Variants in BDP1 observed in about 807,000 individuals in gnomAD.
BDP1 encodes transcription factor TFIIIB component B'' homolog.
BDP1 carries 169 observed loss-of-function variants against 266.6 expected under a neutral mutation model. The ratio of observed to expected loss-of-function variants is 0.63; its 90% CI spans 0.56 to 0.72. The LOEUF is 0.72. Among genes scored for constraint, BDP1 ranks in the 30% least tolerant of loss-of-function variants. The pLI, the probability that BDP1 is intolerant of heterozygous loss-of-function variation, is 0.00. For synonymous variants in BDP1, 1,090 were observed against 1,022.4 expected (o/e 1.07, Z -1.26); for missense variants, 3,015 against 3,053.8 (o/e 0.99, Z 0.30).
rs375877073 is a variant in BDP1, at chr5:71,461,926, C to A, written c.599C>A (p.Thr200Asn). Residue 200 changes from threonine (T) to asparagine (N), a missense_variant and splice_region_variant, in exon 3 of 39, where the codon ACT becomes AAT. Coordinates refer to ENST00000358731, the MANE Select transcript of BDP1 (RefSeq NM_018429.3). ...TATCTACCAGATAATAATCCAATGA[C>A]GTAAGTAAAATTTATTTCTGCTTTA... Reference protein sequence around the residue: ...IYYLPDNNPMTSSLEQEKKTE... With the variant: ...IYYLPDNNPMNSSLEQEKKTE... 11 of 1,285,674 alleles carry A rather than the reference C, an allele frequency of 8.6e-6. No individual in the cohort carries two copies. In the East Asian group the frequency reaches 9.4e-5, roughly 11 times the overall value. The allele number at this position is 1,285,674 out of a possible 1,614,324, so 79.6% of individuals were successfully genotyped here. A position where few individuals can be genotyped will look rare whatever the true frequency, so the allele number is the denominator to read the frequency against.
rs1441775646 is a variant in BDP1, at chr5:71,510,436, A to C, written c.3344A>C (p.Gln1115Pro). 6.2e-7 allele frequency: 1 copy of C among 1,613,862 alleles called. No individual in the cohort carries two copies. ...LEEVKPLGEM[Q>P]TDLKATGREI... Reference sequence around the variant, plus strand: ...GAGGTTAAGCCTCTAGGTGAAATGCAAACAGATTTGAAAGCAACCGGAAGG... The same window carrying C: ...GAGGTTAAGCCTCTAGGTGAAATGCCAACAGATTTGAAAGCAACCGGAAGG... Residue 1115 changes from glutamine to proline, a missense_variant, in exon 17 of 39, where the codon CAA becomes CCA. Coordinates refer to ENST00000358731, the MANE Select transcript of BDP1 (RefSeq NM_018429.3).
intron 18 of BDP1, 122 bp from the exon 19 acceptor site, chr5:71,513,063 C>CAAAAAAAAAAAAAA (rs34252624): frequency 2.8e-6 from 1 of 352,412 alleles, no homozygotes; most frequent in African/African-American, 3.8e-5. Context: ...ACCCTGTCTC[C>CAAAAAAAAAAAAAA]AAAAAAAAAA....
intron 7 of BDP1, 107 bp downstream of exon 7, chr5:71,470,596 T>TA (rs896251423): frequency 2.6e-6 from 2 of 768,748 alleles, no homozygotes; most frequent in African/African-American, 3.6e-5. Flanking sequence ...ATCTTTTTTT[T>TA]TTTTTTCATT....
intron 4 of BDP1, among the ~76,000 whole-genome samples, chr5:71,464,615 C>A (rs541936758): frequency 6.6e-6 from 1 of 151,554 alleles, no homozygotes; most frequent in African/African-American, 2.4e-5. Context: ...GAACATAGCT[C>A]ACTGCAGCCT....
At chr5:71,508,954 A>G (rs1023886111) in intron 16 of BDP1, among the ~76,000 whole-genome samples, 2 of 152,226 alleles carry the variant, frequency 1.3e-5, no homozygotes, top group African/African-American at 4.8e-5. Context: ...AATCTCATAT[A>G]AAATTGGTTT....
rs1301769621 is a variant in BDP1 at position 71,553,339 on chromosome 5, A to G, written c.7200+19A>G. The stretch of plus-strand genomic sequence containing the variant: ...CACTGAGGTAAGTGGTATATTAAGT[A>G]CCACTCAATATGGCCATTAAGTAAG... On this transcript the variant is annotated intron_variant, in intron 35 of 38. Coordinates refer to ENST00000358731, the MANE Select transcript of BDP1 (RefSeq NM_018429.3). 4 of 1,559,920 alleles carry G rather than the reference A, an allele frequency of 2.6e-6. No homozygotes were observed. The highest frequency in any genetic ancestry group is 3.5e-6 in the Non-Finnish European group (4 of 1,135,486).
At position 71,489,508 on chromosome 5, in the gene BDP1, G is replaced by A. The variant is rs201957359; in HGVS notation, c.1318G>A (p.Glu440Lys). 1.2e-6 allele frequency: 2 copies of A among 1,614,004 alleles called. No individual in the cohort carries two copies. Among genetic ancestry groups the A allele is most frequent in the African/African-American group, 2.7e-5 (2 of 74,934 alleles). Residue 440 changes from glutamate to lysine, a missense_variant, in exon 10 of 39, where the codon GAA becomes AAA. This residue lies in a region of BDP1 where 2,383 missense variants were observed against 2,404.9 expected (regional missense o/e 0.99). Transcript: ENST00000358731. ...RSQKDAQTVE[E>K]ESLTLSREDA... ...TCAGAAGGATGCTCAGACAGTTGAA[G>A]AAGAGTCTCTGACCTTATCAAGGGA...
intron 7 of BDP1, among the ~76,000 whole-genome samples, chr5:71,476,870 A>AT (rs1445061253): frequency 6.6e-6 from 1 of 151,886 alleles, no homozygotes; most frequent in Non-Finnish European, 1.5e-5. Context: ...CGCCTGGCTA[A>AT]TTTTTCGTAT....
At chr5:71,486,383 GATAAACA>G (rs1763262289) in intron 8 of BDP1, 94 bp from the exon 9 acceptor site, 1 of 999,094 alleles carries the variant, frequency 1.0e-6, no homozygotes, top group African/African-American at 1.7e-5. Context: ...TTCTCCTACT[GATAAACA>G]AACCCATTTG....
chr5:71,484,004 G>A (rs1210999920), intron 8 of BDP1, 108 bp downstream of exon 8: 8 of 866,454 alleles, frequency 9.2e-6, no homozygotes, highest in Admixed American at 2.7e-5. Context: ...TTCCTGTATT[G>A]GCATTAAGAG....
intron 2 of BDP1, among the ~76,000 whole-genome samples, chr5:71,460,979 TTTGG>T (rs1296165526): frequency 6.6e-6 from 1 of 152,158 alleles, no homozygotes; most frequent in Non-Finnish European, 1.5e-5. Context: ...AGTTTTATTC[TTTGG>T]TTATTTATTT....
intron 7 of BDP1, 90 bp from the exon 8 acceptor site, chr5:71,483,752 C>T: frequency 1.1e-6 from 1 of 919,892 alleles, no homozygotes; most frequent in Non-Finnish European, 1.8e-6. Flanking sequence ...TATGTTATTC[C>T]TAAGAGTTTC....
chr5:71,552,018 C>T (rs1237624019), intron 34 of BDP1, among the ~76,000 whole-genome samples: 1 of 150,758 alleles, frequency 6.6e-6, no homozygotes, highest in African/African-American at 2.4e-5. Flanking sequence ...CACCTCCCTC[C>T]CGGACGGGGT....
intron 9 of BDP1, 122 bp from the exon 10 acceptor site, chr5:71,489,282 G>A (rs892378436): frequency 6.5e-6 from 4 of 614,670 alleles, no homozygotes; most frequent in Non-Finnish European, 1.1e-5. Flanking sequence ...ATTTTAGGTT[G>A]TCTTTAGGTT....
chr5:71,538,261 T>C (rs925760135), intron 26 of BDP1, among the ~76,000 whole-genome samples: 3 of 152,188 alleles, frequency 2.0e-5, no homozygotes, highest in Non-Finnish European at 1.5e-5. Context: ...TAGATATTGG[T>C]CTGTACTTTT....
chr5:71,548,524 A>G (rs1259912170), intron 32 of BDP1, among the ~76,000 whole-genome samples, 158 bp from the exon 33 acceptor site: 3 of 152,252 alleles, frequency 2.0e-5, no homozygotes, highest in African/African-American at 7.2e-5. Context: ...AAATGAATCA[A>G]AAGTTTATTG....
At chr5:71,464,444 A>G (rs924148419) in intron 4 of BDP1, among the ~76,000 whole-genome samples, 2 of 152,260 alleles carry the variant, frequency 1.3e-5, no homozygotes, top group South Asian at 2.1e-4. Context: ...GTAGTGAACT[A>G]TGATCACGCC....
intron 25 of BDP1, among the ~76,000 whole-genome samples, chr5:71,528,346 A>T (rs1436970508): frequency 6.6e-6 from 1 of 152,196 alleles, no homozygotes; most frequent in East Asian, 1.9e-4. Flanking sequence ...TTTGCCTGTT[A>T]GTCTGCCATT....
chr5:71,568,183 G>A (rs996411917), downstream of BDP1, among the ~76,000 whole-genome samples: 3 of 152,052 alleles, frequency 2.0e-5, no homozygotes, highest in African/African-American at 7.2e-5. Context: ...TGTGCATGTC[G>A]TTATTTCAAA....
Sources: gnomAD v4.1 joint callset for allele counts (sites outside exome capture counted in the v4.1 genomes callset) on GRCh38, gnomAD v4.1.1 for gene constraint, gnomAD v4.1.1 regional missense constraint, MANE v1.5 for transcripts, NCBI Gene and HGNC (gene_info 2026-07-23, HGNC 2026-07-21) for gene names.